The following SLC20A2 variants were observed in gnomAD, a reference collection of about 807,000 sequenced individuals.
The protein encoded by SLC20A2 is sodium-dependent phosphate transporter 2.
SLC20A2 carries 30 observed loss-of-function variants against 61.0 expected under a neutral mutation model. The observed-to-expected ratio is 0.49, with a 90% CI of 0.37 to 0.67. SLC20A2 has a LOEUF of 0.67. SLC20A2 is among the 30% of genes least tolerant of loss of function. The pLI is 0.00. For synonymous variants in SLC20A2, 351 were observed against 353.3 expected (o/e 0.99, Z 0.07); for missense variants, 626 against 866.4 (o/e 0.72, Z 3.48).
rs538436517 is a variant in SLC20A2, at chr8:42,416,635, A to C, written c.*1168T>G. On this transcript the variant is annotated 3_prime_UTR_variant, in exon 11 of 11. Transcript: ENST00000520262. ...CTTCCTCCCTCCCGCTATCAAAAAA[A>C]GAAGAGACTCCAATGGGATGGAGTA... 5 of 152,656 alleles carry C rather than the reference A, an allele frequency of 3.3e-5. No individual in the cohort carries two copies. The highest frequency in any genetic ancestry group is 7.3e-5 in the Non-Finnish European group (5 of 68,048). The allele number at this position is 152,656 out of a possible 1,614,324, so 9.5% of individuals were successfully genotyped here. A position where few individuals can be genotyped will look rare whatever the true frequency, so the allele number is the denominator to read the frequency against.
chr8:42,482,459 T>C (rs894178441), intron 1 of SLC20A2, among the ~76,000 whole-genome samples: 2 of 151,988 alleles, frequency 1.3e-5, no homozygotes, highest in Non-Finnish European at 1.5e-5. Flanking sequence ...CAGTCTTTCA[T>C]GTAAGAAAAA....
At chr8:42,502,874 C>G (rs1006947760), upstream of SLC20A2, among the ~76,000 whole-genome samples, 1 of 152,206 alleles carries the variant, frequency 6.6e-6, no homozygotes, top group Non-Finnish European at 1.5e-5. Context: ...ATTTTTGACA[C>G]GATATTCTCA....
At position 42,467,876 on chromosome 8, in the gene SLC20A2, T is replaced by C. The variant is rs187462012; in HGVS notation, c.290-1959A>G. Among the ~76,000 whole-genome samples, 7 of 152,190 alleles carry C rather than the reference T, an allele frequency of 4.6e-5. No individual in the cohort carries two copies. In the East Asian group the frequency reaches 1.2e-3, roughly 25 times the overall value. On this transcript the variant is annotated intron_variant, in intron 2 of 10. Coordinates refer to ENST00000520262, the MANE Select transcript of SLC20A2 (RefSeq NM_001257180.2). The stretch of plus-strand genomic sequence containing the variant: ...AAGCCAGGGTTTGGAGCACGTTTCA[T>C]AGCACGGATTCATAGCTTAGAAAAT...
intron 1 of SLC20A2, among the ~76,000 whole-genome samples, chr8:42,517,784 C>G (rs1811404216): frequency 6.6e-6 from 1 of 152,116 alleles, no homozygotes. Flanking sequence ...TCAACTGACA[C>G]TAACTCATTT....
At chr8:42,489,882 C>A (rs955687873) in intron 1 of SLC20A2, among the ~76,000 whole-genome samples, 1 of 152,052 alleles carries the variant, frequency 6.6e-6, no homozygotes, top group Non-Finnish European at 1.5e-5. Flanking sequence ...GAGTGGCCTT[C>A]GGGGAGCTGG....
At chr8:42,531,823 T>TC (rs1042316418) in intron 1 of SLC20A2, among the ~76,000 whole-genome samples, 1 of 151,698 alleles carries the variant, frequency 6.6e-6, no homozygotes, top group African/African-American at 2.4e-5. Flanking sequence ...CTGCTTTTTT[T>TC]TTTTTTTTTC....
intron 10 of SLC20A2, among the ~76,000 whole-genome samples, chr8:42,420,121 G>T (rs972651770): frequency 1.3e-5 from 2 of 151,956 alleles, no homozygotes; most frequent in Non-Finnish European, 2.9e-5. Flanking sequence ...GGGAGGTGGA[G>T]GTTGCAGTGA....
intron 1 of SLC20A2, among the ~76,000 whole-genome samples, chr8:42,524,080 A>G (rs28362089): frequency 1.3e-5 from 2 of 152,228 alleles, no homozygotes; most frequent in Non-Finnish European, 2.9e-5. Context: ...GCTGTAACCC[A>G]GGCCATTCTG....
chr8:42,538,523 G>T (rs189539600), intron 1 of SLC20A2, among the ~76,000 whole-genome samples: 28 of 152,278 alleles, frequency 1.8e-4, no homozygotes, highest in Admixed American at 1.6e-3. Flanking sequence ...AAAGCAGGTG[G>T]GATCTTCACT....
chr8:42,443,195 G>A (rs1422656381), intron 6 of SLC20A2, among the ~76,000 whole-genome samples: 1 of 135,856 alleles, frequency 7.4e-6, no homozygotes, highest in Non-Finnish European at 1.5e-5. Flanking sequence ...TACAGTTATT[G>A]TATAGTATAA....
intron 6 of SLC20A2, 34 bp downstream of exon 6, chr8:42,444,611 AT>A (rs1348275300): frequency 2.6e-6 from 4 of 1,511,738 alleles, no homozygotes; most frequent in Non-Finnish European, 3.7e-6. Context: ...AATCGGGAGC[AT>A]TTCTGTAAAT....
chr8:42,535,407 C>A (rs1472974933), intron 1 of SLC20A2: 1 of 151,512 alleles, frequency 6.6e-6, no homozygotes, highest in East Asian at 1.9e-4. Flanking sequence ...AATTTTCATA[C>A]AATATTGTAT....
At position 42,462,066 on chromosome 8, in the gene SLC20A2, C is replaced by T. The variant is rs137878115; in HGVS notation, c.516+939G>A. ...TGGCCGGAGCTCAAAAGAGAGGGGA[C>T]CAGGCGAATCTGGGGGAGGGGAGGA... On this transcript the variant is annotated intron_variant, in intron 4 of 10. Transcript: ENST00000520262. 1.1e-3 allele frequency among the ~76,000 whole-genome samples: 170 copies of T among 152,050 alleles called. 1 individual carries two copies. The highest frequency in any genetic ancestry group is 1.8e-3 in the Non-Finnish European group (123 of 67,992).
intron 1 of SLC20A2, among the ~76,000 whole-genome samples, chr8:42,509,423 C>A (rs1362017187): frequency 1.3e-5 from 2 of 152,064 alleles, no homozygotes; most frequent in Non-Finnish European, 2.9e-5. Flanking sequence ...GGCAATAATT[C>A]TGCACTTGCT....
intron 10 of SLC20A2, among the ~76,000 whole-genome samples, chr8:42,419,008 C>CAAAAAAAA (rs778981433): frequency 1.1e-4 from 7 of 64,200 alleles, no homozygotes; most frequent in African/African-American, 3.9e-4. Context: ...GACTCTGTCT[C>CAAAAAAAA]AAAAAAAAAA....
At chr8:42,454,255 G>A (rs540613599) in intron 5 of SLC20A2, among the ~76,000 whole-genome samples, 2 of 152,298 alleles carry the variant, frequency 1.3e-5, no homozygotes, top group East Asian at 3.9e-4. Flanking sequence ...GCCCGTCTCG[G>A]CCTCCCGAAG....
intron 1 of SLC20A2, among the ~76,000 whole-genome samples, chr8:42,493,957 C>CTTTT (rs1308624461): frequency 1.3e-5 from 2 of 152,136 alleles, no homozygotes; most frequent in Non-Finnish European, 2.9e-5. Flanking sequence ...GCCTGGGTAA[C>CTTTT]ATAGCGAGAC....
intron 1 of SLC20A2, among the ~76,000 whole-genome samples, chr8:42,489,638 C>T (rs956012692): frequency 5.3e-5 from 8 of 152,224 alleles, no homozygotes; most frequent in African/African-American, 1.9e-4. Context: ...TATTCCCCTA[C>T]AGTGCGCAGC....
At chr8:42,539,819 C>T (rs1812951078) in intron 1 of SLC20A2, among the ~76,000 whole-genome samples, 1 of 152,158 alleles carries the variant, frequency 6.6e-6, no homozygotes, top group African/African-American at 2.4e-5. Flanking sequence ...ATAATAGAAA[C>T]TCTGATAAAT....
Sources: gnomAD v4.1 joint callset for allele counts (sites outside exome capture counted in the v4.1 genomes callset) on GRCh38, gnomAD v4.1.1 for gene constraint, MANE v1.5 for transcripts, NCBI Gene and HGNC (gene_info 2026-07-23, HGNC 2026-07-21) for gene names.